Variants in PPEF2 observed in about 807,000 individuals in gnomAD.
The protein encoded by PPEF2 is protein phosphatase with EF-hand domain 2.
PPEF2 carries 84 observed loss-of-function variants against 84.7 expected under a neutral mutation model. The ratio of observed to expected loss-of-function variants is 0.99; its 90% CI spans 0.83 to 1.19. The LOEUF is 1.19. Ranked by LOEUF, PPEF2 falls within the 50% of genes most tolerant of loss-of-function variation. The pLI is 0.00. For missense variants in PPEF2, 924 were observed against 937.5 expected (o/e 0.99, Z 0.19); for synonymous variants, 346 against 345.2 (o/e 1.00, Z -0.03).
At chr4:75,891,180 C>CA (rs35660911) in intron 4 of PPEF2, among the ~76,000 whole-genome samples, 31,195 of 135,788 alleles carry the variant, frequency 0.23, 4,237 homozygotes, top group African/African-American at 0.4. Flanking sequence ...GACTCTGTCT[C>CA]AAAAAAAAAA....
At position 75,882,919 on chromosome 4, in the gene PPEF2, C is replaced by T. The variant is rs748737787; in HGVS notation, c.933+7G>A. ...GGTGAAATTTGTATTATTTCATTAA[C>T]CACTACCTTGCTCCTCTCTATTTTG... is the stretch of plus-strand genomic sequence containing the variant. On this transcript the variant is annotated splice_region_variant and intron_variant, in intron 10 of 16. Transcript: ENST00000286719. The T allele has an allele frequency of 1.9e-5, 31 of 1,604,358 alleles. No individual in the cohort carries two copies. In the Middle Eastern group the frequency reaches 5.0e-4, roughly 26 times the overall value.
At chr4:75,890,787 C>A (rs1396595732) in intron 4 of PPEF2, among the ~76,000 whole-genome samples, 1 of 152,220 alleles carries the variant, frequency 6.6e-6, no homozygotes, top group Non-Finnish European at 1.5e-5. Context: ...GTGCATCAGA[C>A]CTGGCAGTGC....
chr4:75,893,785 G>A (rs1724946306), intron 2 of PPEF2, among the ~76,000 whole-genome samples: 1 of 152,208 alleles, frequency 6.6e-6, no homozygotes, highest in Non-Finnish European at 1.5e-5. Context: ...TGCTGCCAAT[G>A]ATGAGACATA....
chr4:75,896,989 A>G (rs1725025121), intron 1 of PPEF2, among the ~76,000 whole-genome samples: 1 of 151,942 alleles, frequency 6.6e-6, no homozygotes, highest in Non-Finnish European at 1.5e-5. Context: ...GGTTCACGCC[A>G]TTCTCACCCC....
intron 7 of PPEF2, among the ~76,000 whole-genome samples, chr4:75,886,131 G>A (rs978763478): frequency 1.3e-5 from 2 of 152,186 alleles, no homozygotes; most frequent in Non-Finnish European, 2.9e-5. Context: ...GTATGTGCTT[G>A]GCTAAGGAGC....
chr4:75,891,671 A>G lies in PPEF2; in HGVS notation c.218T>C (p.Phe73Ser), dbSNP rs771347886. The change falls in exon 4 of 17, where the codon TTC (phenylalanine) becomes TCC (serine). Residue 73 changes from phenylalanine (F) to serine (S), a missense_variant. Transcript: ENST00000286719. ...ACTGTCGTTGTGGCTGCTGGGGATG[A>G]AGTGATCCATGAGATAGCTGAAGAA... is the stretch of plus-strand genomic sequence containing the variant. ...HDFFSYLMDH[F>S]IPSSHNDRDF... is the part of the protein sequence containing the mutation. The G allele has an allele frequency of 1.2e-6, 2 of 1,611,866 alleles. No individual in the cohort carries two copies. Among genetic ancestry groups the G allele is most frequent in the South Asian group, 2.2e-5 (2 of 90,618 alleles).
intron 7 of PPEF2, among the ~76,000 whole-genome samples, chr4:75,885,240 A>G (rs965478587): frequency 5.9e-5 from 9 of 152,204 alleles, no homozygotes; most frequent in Admixed American, 5.9e-4. Flanking sequence ...ATATATGAAA[A>G]TAGCTTTTGG....
At chr4:75,891,737 G>T in intron 3 of PPEF2, 32 bp from the exon 4 acceptor site, 1 of 1,602,856 alleles carries the variant, frequency 6.2e-7, no homozygotes, top group Non-Finnish European at 8.5e-7. Flanking sequence ...CGTGGCTTTA[G>T]AGGTGAGCGA....
At chr4:75,861,014 C>A in intron 16 of PPEF2, 94 bp from the exon 17 acceptor site, 1 of 1,394,570 alleles carries the variant, frequency 7.2e-7, no homozygotes, top group South Asian at 1.3e-5. Flanking sequence ...CTCCCTACTG[C>A]TCAACAGAGA....
chr4:75,871,101 G>A (rs968678616), intron 13 of PPEF2, among the ~76,000 whole-genome samples: 3 of 151,546 alleles, frequency 2.0e-5, no homozygotes, highest in African/African-American at 7.3e-5. Context: ...TGTATTTTTA[G>A]TAGAGACAGG....
chr4:75,878,323 G>A (rs1484468820), intron 10 of PPEF2, among the ~76,000 whole-genome samples: 1 of 152,212 alleles, frequency 6.6e-6, no homozygotes, highest in African/African-American at 2.4e-5. Context: ...CGAGCAAAAA[G>A]AGAGAGCAGC....
chr4:75,883,328 A>T (rs1724627220), intron 8 of PPEF2, 126 bp from the exon 9 acceptor site: 1 of 813,302 alleles, frequency 1.2e-6, no homozygotes, highest in Non-Finnish European at 2.0e-6. Flanking sequence ...GAGACTGAGG[A>T]ATAATCACCA....
chr4:75,871,062 C>T (rs1336731015), intron 13 of PPEF2, among the ~76,000 whole-genome samples: 5 of 151,864 alleles, frequency 3.3e-5, no homozygotes, highest in African/African-American at 4.8e-5. Flanking sequence ...GGATTACAGG[C>T]GTGTACCACC....
rs1281154222 is a variant in PPEF2 at position 75,886,432 on chromosome 4, A to G, written c.579+420T>C. On this transcript the variant is annotated intron_variant, in intron 7 of 16. Transcript: ENST00000286719. ...TCATGCAACGGCACGTTCGTGGGGA[A>G]CCTGACATTAAACTGTTCGTAGATG... 3.9e-5 allele frequency among the ~76,000 whole-genome samples: 6 copies of G among 152,296 alleles called. No individual in the cohort carries two copies. In the East Asian group the frequency reaches 1.2e-3, roughly 29 times the overall value.
In PPEF2 at chr4:75,876,542, G is replaced by A. The variant is rs1350980072; in HGVS notation, c.1065C>T (p.Pro355=). 3 of 1,614,148 alleles carry A rather than the reference G, an allele frequency of 1.9e-6. No homozygotes were observed. Among genetic ancestry groups the A allele is most frequent in the Non-Finnish European group, 2.5e-6 (3 of 1,180,034 alleles). Residue 355 remains proline, a synonymous_variant, in exon 11 of 17, where the codon CCC becomes CCT. Coordinates refer to ENST00000286719, the MANE Select transcript of PPEF2 (RefSeq NM_006239.3). ...PWFLPESRSL[P]SSPLRLGSYK... The stretch of plus-strand genomic sequence containing the variant: ...AGGAGCCAAGCCGAAGGGGCGAAGA[G>A]GGAAGAGAGCGGCTTTCGGGGAGAA...
At chr4:75,898,801 T>C (rs1725062569) in intron 1 of PPEF2, among the ~76,000 whole-genome samples, 1 of 152,234 alleles carries the variant, frequency 6.6e-6, no homozygotes, top group Non-Finnish European at 1.5e-5. Context: ...CATTGTGTGA[T>C]CAAAGCATAG....
intron 4 of PPEF2, among the ~76,000 whole-genome samples, chr4:75,891,149 C>T (rs1724870473): frequency 6.6e-6 from 1 of 151,556 alleles, no homozygotes; most frequent in East Asian, 1.9e-4. Context: ...CCACTGCACT[C>T]CAGCCTGGGT....
chr4:75,868,454 TA>T (rs1277288491), intron 13 of PPEF2, among the ~76,000 whole-genome samples: 1 of 151,026 alleles, frequency 6.6e-6, no homozygotes, highest in Admixed American at 6.6e-5. Flanking sequence ...TAAAAAAAAT[TA>T]AATCATGTTT....
At position 75,880,064 on chromosome 4, in the gene PPEF2, G is replaced by A. The variant is rs189026431; in HGVS notation, c.933+2862C>T. Among the ~76,000 whole-genome samples the A allele has an allele frequency of 5.9e-3, 904 of 152,186 alleles. 33 individuals carry two copies. Among genetic ancestry groups the A allele is most frequent in the Admixed American group, 0.054 (831 of 15,266 alleles). On this transcript the variant is annotated intron_variant, in intron 10 of 16. Transcript: ENST00000286719. The stretch of plus-strand genomic sequence containing the variant: ...AGGATTGTCTCCATCTCTTGACCTC[G>A]TGATCCGCCCGCCTCGGCCTCCCAA...
Sources: gnomAD v4.1 joint callset for allele counts (sites outside exome capture counted in the v4.1 genomes callset) on GRCh38, gnomAD v4.1.1 for gene constraint, MANE v1.5 for transcripts, NCBI Gene and HGNC (gene_info 2026-07-23, HGNC 2026-07-21) for gene names.